WDR44: variants seen among roughly 807,000 people sequenced by gnomAD.
WDR44 encodes the protein WD repeat domain 44.
WDR44 carries 9 observed loss-of-function variants against 65.7 expected under a neutral mutation model. The ratio of observed to expected loss-of-function variants is 0.14; its 90% confidence interval spans 0.08 to 0.24. The LOEUF (loss-of-function observed/expected upper bound fraction) is 0.24. Among genes scored for constraint, WDR44 ranks in the 10% least tolerant of loss-of-function variants. WDR44 has a pLI of 1.00. For synonymous variants in WDR44, 220 were observed against 235.2 expected (o/e 0.94, Z 0.59); for missense variants, 425 against 670.9 (o/e 0.63, Z 4.05).
intron 1 of WDR44, among the ~76,000 whole-genome samples, chrX:118,361,074 A>T (rs1442564808): frequency 1.8e-5 from 2 of 111,752 alleles, no homozygotes; most frequent in Non-Finnish European, 3.8e-5. Context: ...TTGTTAGTCA[A>T]TTTTTTTCTG....
At chrX:118,401,514 GTTGT>G (rs1477051992) in intron 8 of WDR44, among the ~76,000 whole-genome samples, 4 of 86,623 alleles carry the variant, frequency 4.6e-5, no homozygotes, top group Admixed American at 1.4e-4. Flanking sequence ...TTTTGATGGG[GTTGT>G]TTGTTTTTTT....
At chrX:118,393,879 A>G (rs769110785) in intron 4 of WDR44, among the ~76,000 whole-genome samples, 176 bp from the exon 5 acceptor site, 1 of 111,667 alleles carries the variant, frequency 9.0e-6, no homozygotes, top group East Asian at 2.8e-4. Flanking sequence ...TCTGAATTCA[A>G]GTCCTGCATC....
intron 12 of WDR44, among the ~76,000 whole-genome samples, chrX:118,413,465 G>A (rs2057028450): frequency 1.8e-5 from 2 of 112,107 alleles, no homozygotes; most frequent in Admixed American, 1.9e-4. Flanking sequence ...TTTCATACGT[G>A]TGTTGGCCAT....
intron 3 of WDR44, among the ~76,000 whole-genome samples, chrX:118,388,515 A>G (rs1304537015): frequency 1.8e-5 from 2 of 111,399 alleles, no homozygotes; most frequent in Non-Finnish European, 3.8e-5. Context: ...TTCTGAGCTC[A>G]GGCAATCCAC....
At chrX:118,383,960 G>A (rs1454470007) in intron 2 of WDR44, among the ~76,000 whole-genome samples, 1 of 98,852 alleles carries the variant, frequency 1.0e-5, no homozygotes, top group Admixed American at 1.2e-4. Flanking sequence ...GCTCACTGCA[G>A]CCTCAGGCTC....
intron 14 of WDR44, 37 bp downstream of exon 14, chrX:118,436,861 A>G: frequency 8.9e-7 from 1 of 1,117,904 alleles, no homozygotes; most frequent in Non-Finnish European, 1.2e-6. Flanking sequence ...GTTAACCTCT[A>G]AGGAAGGTGA....
At chrX:118,417,967 A>G (rs775446319) in intron 12 of WDR44, among the ~76,000 whole-genome samples, 2 of 111,429 alleles carry the variant, frequency 1.8e-5, no homozygotes, top group Non-Finnish European at 3.8e-5. Context: ...TACTTGTTCA[A>G]TTCTATTGCT....
chrX:118,447,590 A>T (rs1169365378), intron 19 of WDR44, among the ~76,000 whole-genome samples: 1 of 111,083 alleles, frequency 9.0e-6, no homozygotes, highest in Non-Finnish European at 1.9e-5. Context: ...TAAGAATTAG[A>T]TATGACATGT....
chrX:118,441,687 G>C, intron 15 of WDR44, 128 bp downstream of exon 15: 1 of 568,987 alleles, frequency 1.8e-6, no homozygotes, highest in South Asian at 4.8e-5. Flanking sequence ...ATAATACCAT[G>C]TCTGTCTTAA....
In WDR44 at chrX:118,441,876, G is replaced by C. The variant is rs774256693; in HGVS notation, c.2166+317G>C. 3.6e-5 allele frequency among the ~76,000 whole-genome samples: 4 copies of C among 110,452 alleles called. No homozygotes were observed. The East Asian group carries it at 1.1e-3, about 32-fold the overall frequency. On this transcript the variant is annotated intron_variant, in intron 15 of 19. Transcript: ENST00000254029. ...GTGCCTCAGCCTCCTGAGTAGCTGG[G>C]ACTATAGGCACGTGCCACCACACTC... is the stretch of plus-strand genomic sequence containing the variant.
rs752992949 is a variant in WDR44, at chrX:118,378,378, TCTC to T, written c.78-37_78-35del. On this transcript the variant is annotated intron_variant, in intron 1 of 19. Coordinates refer to ENST00000254029, the MANE Select transcript of WDR44 (RefSeq NM_019045.5). ...GTGTATAGAAGTATTTGTCTTCTCA[TCTC>T]CTCTATTCAACACCTCCTTACTTTT... The T allele has an allele frequency of 2.2e-3, 2,463 of 1,134,931 alleles. 4 individuals carry two copies. Among genetic ancestry groups the T allele is most frequent in the Middle Eastern group, 6.8e-3 (28 of 4,132 alleles). 93.5% of individuals were successfully genotyped at this position (1,134,931 alleles called of 1,213,427 possible). A position where few individuals can be genotyped will look rare whatever the true frequency, so the allele number is the denominator to read the frequency against.
intron 18 of WDR44, among the ~76,000 whole-genome samples, chrX:118,443,960 C>T (rs1366374264): frequency 9.1e-6 from 1 of 110,477 alleles, no homozygotes; most frequent in African/African-American, 3.3e-5. Flanking sequence ...GCAGGAGAAT[C>T]GCTGGAACCT....
chrX:118,396,648 C>T lies in WDR44; in HGVS notation c.1054-322C>T, dbSNP rs558755122. Reference sequence around the variant, plus strand: ...AGACAGAAAGTAGATTGGTATTTGCCAGGGGCTAAAAAGAAAGGGAAATGA... The same window carrying T: ...AGACAGAAAGTAGATTGGTATTTGCTAGGGGCTAAAAAGAAAGGGAAATGA... On this transcript the variant is annotated intron_variant, in intron 6 of 19. Transcript: ENST00000254029. 3.6e-5 allele frequency among the ~76,000 whole-genome samples: 4 copies of T among 111,423 alleles called. No homozygotes were observed. The South Asian group carries it at 1.5e-3, about 41-fold the overall frequency.
At chrX:118,362,103 T>C (rs947987582) in intron 1 of WDR44, among the ~76,000 whole-genome samples, 2 of 112,180 alleles carry the variant, frequency 1.8e-5, no homozygotes, top group African/African-American at 6.5e-5. Context: ...GAGCTATTAG[T>C]GCTTCAGCTG....
chrX:118,388,345 A>G (rs2056789374), intron 3 of WDR44, among the ~76,000 whole-genome samples: 1 of 111,822 alleles, frequency 8.9e-6, no homozygotes, highest in African/African-American at 3.3e-5. Flanking sequence ...CAGTGGCACA[A>G]TCATGGCTCA....
rs1280881386 is a variant in WDR44 at position 118,392,870 on chromosome X, C to T, written c.425C>T (p.Pro142Leu). ...ETELELKKCF[P>L]SDETCEKPVD... ...GAATTAGAATTAAAAAAATGCTTTC[C>T]TTCTGATGAAACCTGTGAGAAACCA... Residue 142 changes from proline to leucine, a missense_variant, in exon 4 of 20, where the codon CCT (proline) becomes CTT (leucine). This residue lies in a region of WDR44 where 193 missense variants were observed against 209.0 expected (regional missense o/e 0.92). Coordinates refer to ENST00000254029, the MANE Select transcript of WDR44 (RefSeq NM_019045.5). 1.7e-6 allele frequency: 2 copies of T among 1,212,023 alleles called. No individual in the cohort carries two copies. The highest frequency in any genetic ancestry group is 4.3e-5 in the Admixed American group (2 of 46,066).
At chrX:118,427,199 T>C (rs1166649594) in intron 12 of WDR44, among the ~76,000 whole-genome samples, 1 of 109,332 alleles carries the variant, frequency 9.1e-6, no homozygotes, top group African/African-American at 3.3e-5. Flanking sequence ...CTCAAACTTC[T>C]GGGTTCAAGC....
intron 1 of WDR44, among the ~76,000 whole-genome samples, chrX:118,359,226 T>C (rs2056491234): frequency 8.9e-6 from 1 of 112,457 alleles, no homozygotes; most frequent in African/African-American, 3.2e-5. Context: ...AATTTAGTTA[T>C]CTGTTTCTGT....
chrX:118,346,223 C>G lies in WDR44; in HGVS notation c.-281C>G, dbSNP rs1053455541. On this transcript the variant is annotated 5_prime_UTR_variant, in exon 1 of 20. Transcript: ENST00000254029. Reference sequence around the variant, plus strand: ...TACTGCGAGGAGCCACCGCCTCTTTCGCGCTCCTTATACACCTATCACTGG... The same window carrying G: ...TACTGCGAGGAGCCACCGCCTCTTTGGCGCTCCTTATACACCTATCACTGG... 5 of 313,609 alleles carry G rather than the reference C, an allele frequency of 1.6e-5. No individual in the cohort carries two copies. Among genetic ancestry groups the G allele is most frequent in the African/African-American group, 1.1e-4 (4 of 36,512 alleles). The allele number at this position is 313,609 out of a possible 1,213,427, so 25.8% of individuals were successfully genotyped here. A position where few individuals can be genotyped will look rare whatever the true frequency, so the allele number is the denominator to read the frequency against.
Sources: gnomAD v4.1 joint callset for allele counts (sites outside exome capture counted in the v4.1 genomes callset) on GRCh38, gnomAD v4.1.1 for gene constraint, gnomAD v4.1.1 regional missense constraint, MANE v1.5 for transcripts, NCBI Gene and HGNC (gene_info 2026-07-23, HGNC 2026-07-21) for gene names.